SLC9A9: variants seen among roughly 807,000 people sequenced by gnomAD.
SLC9A9 encodes solute carrier family 9 member A9.
Under a neutral mutation model 77.8 loss-of-function variants are expected in SLC9A9, and 62 were observed. The ratio of observed to expected loss-of-function variants is 0.80; its 90% CI spans 0.65 to 0.98. The LOEUF is 0.98. Ranked by LOEUF, SLC9A9 falls within the 50% of genes least tolerant of loss-of-function variation. SLC9A9 has a pLI of 0.00. For synonymous variants in SLC9A9, 320 were observed against 283.5 expected (o/e 1.13, Z -1.29); for missense variants, 775 against 774.9 (o/e 1.00, Z 0.00).
chr3:143,405,325 C>T (rs144894435), intron 12 of SLC9A9, among the ~76,000 whole-genome samples: 4 of 152,270 alleles, frequency 2.6e-5, no homozygotes, highest in East Asian at 1.9e-4. Context: ...GCTGTGGAGC[C>T]GTAGACCTCC....
chr3:143,776,422 A>C (rs929584789), intron 4 of SLC9A9, among the ~76,000 whole-genome samples: 3 of 152,192 alleles, frequency 2.0e-5, no homozygotes, highest in African/African-American at 7.2e-5. Flanking sequence ...TGGAGTTATA[A>C]ACTAGTGAGA....
intron 6 of SLC9A9, among the ~76,000 whole-genome samples, chr3:143,594,796 A>G (rs899590768): frequency 6.6e-6 from 1 of 152,224 alleles, no homozygotes; most frequent in African/African-American, 2.4e-5. Context: ...ATTCTGAGAA[A>G]GAAGAGCCTT....
In SLC9A9 at chr3:143,686,752, AG is replaced by A. The variant is rs1367237956; in HGVS notation, c.649+6439del. On this transcript the variant is annotated intron_variant, in intron 5 of 15. Coordinates refer to ENST00000316549, the MANE Select transcript of SLC9A9 (RefSeq NM_173653.4). Reference sequence around the variant, plus strand: ...CCCCAAGACAGCAATGAAAAAGACAAGAGGAGAGTATGAGGCTGGACAGCTC... The same window carrying A: ...CCCCAAGACAGCAATGAAAAAGACAAAGGAGAGTATGAGGCTGGACAGCTC... Among the ~76,000 whole-genome samples, 3 of 152,330 alleles carry A rather than the reference AG, an allele frequency of 2.0e-5. No homozygotes were observed. In the East Asian group the frequency reaches 5.8e-4, roughly 29 times the overall value.
chr3:143,691,886 G>T (rs1230430240), intron 5 of SLC9A9, among the ~76,000 whole-genome samples: 1 of 152,008 alleles, frequency 6.6e-6, no homozygotes, highest in Non-Finnish European at 1.5e-5. Context: ...AAAGCATCTT[G>T]TTCAACTATA....
At chr3:143,714,331 C>T (rs953426677) in intron 4 of SLC9A9, among the ~76,000 whole-genome samples, 28 of 152,206 alleles carry the variant, frequency 1.8e-4, no homozygotes, top group African/African-American at 6.8e-4. Flanking sequence ...CTCTTTTCTT[C>T]ATGAAGGCAC....
At chr3:143,771,360 G>A (rs981742347) in intron 4 of SLC9A9, among the ~76,000 whole-genome samples, 1 of 152,068 alleles carries the variant, frequency 6.6e-6, no homozygotes, top group Non-Finnish European at 1.5e-5. Flanking sequence ...TGACATTTTG[G>A]GCAAGATCAT....
chr3:143,597,719 T>C (rs559404415), intron 6 of SLC9A9, among the ~76,000 whole-genome samples: 1 of 152,290 alleles, frequency 6.6e-6, no homozygotes, highest in African/African-American at 2.4e-5. Context: ...AATCTCAGAA[T>C]AGAGTTAAGA....
At chr3:143,477,716 G>A (rs1278289362) in intron 11 of SLC9A9, among the ~76,000 whole-genome samples, 1 of 152,082 alleles carries the variant, frequency 6.6e-6, no homozygotes, top group Admixed American at 6.5e-5. Context: ...TTATCCTATG[G>A]TTCTGCGTCA....
At chr3:143,380,327 A>T (rs1008196360) in intron 13 of SLC9A9, among the ~76,000 whole-genome samples, 2 of 152,238 alleles carry the variant, frequency 1.3e-5, no homozygotes, top group Non-Finnish European at 2.9e-5. Context: ...GGAAATTTTT[A>T]CCAATAACAG....
chr3:143,726,234 A>T (rs866048852), intron 4 of SLC9A9, among the ~76,000 whole-genome samples: 1 of 131,914 alleles, frequency 7.6e-6, no homozygotes. Context: ...TTAAAATAAA[A>T]GTTGGAAATA....
In SLC9A9 at chr3:143,693,678, T is replaced by C. The variant is rs186572789; in HGVS notation, c.534-371A>G. On this transcript the variant is annotated intron_variant, in intron 4 of 15. Transcript: ENST00000316549. ...ATTGATTGCTTTTCAGTTTTCCTTGTTTTGTCACTGGCGGTGTCTGAAAAG... is the reference window on the plus strand; with the variant it reads ...ATTGATTGCTTTTCAGTTTTCCTTGCTTTGTCACTGGCGGTGTCTGAAAAG... 1.6e-3 allele frequency among the ~76,000 whole-genome samples: 237 copies of C among 152,252 alleles called. 1 individual carries two copies. The highest frequency in any genetic ancestry group is 5.2e-3 in the African/African-American group (218 of 41,560).
intron 14 of SLC9A9, among the ~76,000 whole-genome samples, chr3:143,298,852 C>T (rs74659776): frequency 1.7e-3 from 263 of 152,234 alleles, no homozygotes; most frequent in African/African-American, 5.1e-3. Context: ...AAACTTTTTA[C>T]CTTTTCTGCT....
At chr3:143,552,712 C>T (rs189776726) in intron 8 of SLC9A9, among the ~76,000 whole-genome samples, 4 of 152,244 alleles carry the variant, frequency 2.6e-5, no homozygotes, top group African/African-American at 7.2e-5. Context: ...TGGAGATAAA[C>T]GGGTCCCTGT....
intron 6 of SLC9A9, among the ~76,000 whole-genome samples, chr3:143,616,535 T>C (rs1171294315): frequency 1.3e-5 from 2 of 152,104 alleles, no homozygotes; most frequent in Non-Finnish European, 2.9e-5. Context: ...CTATATACAG[T>C]CTATGCTGCT....
Position 143,631,120 on chromosome 3 carries a change from CA to C in SLC9A9, c.755+21134del, listed in dbSNP as rs374271325. Among the ~76,000 whole-genome samples, 156 of 152,234 alleles carry C rather than the reference CA, an allele frequency of 1.0e-3. 1 individual carries two copies. Among genetic ancestry groups the C allele is most frequent in the African/African-American group, 3.7e-3 (152 of 41,554 alleles). On this transcript the variant is annotated intron_variant, in intron 6 of 15. Transcript: ENST00000316549. Reference sequence around the variant, plus strand: ...TACTGGATTTTATTGCTAAATAAATCAATACCCAATTACTTAATTTTGCCTA... The same window carrying C: ...TACTGGATTTTATTGCTAAATAAATCATACCCAATTACTTAATTTTGCCTA...
chr3:143,736,347 C>T (rs1934941169), intron 4 of SLC9A9, among the ~76,000 whole-genome samples: 1 of 152,118 alleles, frequency 6.6e-6, no homozygotes, highest in Non-Finnish European at 1.5e-5. Flanking sequence ...TCCTCTTTGC[C>T]TTTATACACT....
At chr3:143,302,612 T>A (rs145748770) in intron 14 of SLC9A9, among the ~76,000 whole-genome samples, 1 of 150,054 alleles carries the variant, frequency 6.7e-6, no homozygotes, top group Admixed American at 6.6e-5. Flanking sequence ...ATAAGAGCAG[T>A]GATGGAGGGA....
intron 11 of SLC9A9, among the ~76,000 whole-genome samples, chr3:143,474,937 A>C (rs1007506906): frequency 2.7e-5 from 4 of 147,360 alleles, no homozygotes; most frequent in Non-Finnish European, 5.9e-5. Context: ...CATCAGACCT[A>C]AGTGCTCTCA....
At chr3:143,356,422 A>G (rs1414834952) in intron 14 of SLC9A9, among the ~76,000 whole-genome samples, 1 of 152,170 alleles carries the variant, frequency 6.6e-6, no homozygotes, top group Non-Finnish European at 1.5e-5. Flanking sequence ...TACCTGAACA[A>G]AAGACTGCAC....
Sources: gnomAD v4.1 joint callset for allele counts (sites outside exome capture counted in the v4.1 genomes callset) on GRCh38, gnomAD v4.1.1 for gene constraint, MANE v1.5 for transcripts, NCBI Gene and HGNC (gene_info 2026-07-23, HGNC 2026-07-21) for gene names.